The following R3HDM2 variants were observed in gnomAD, a reference collection of about 807,000 sequenced individuals.
R3HDM2 encodes the protein R3H domain containing 2.
In R3HDM2, 38 loss-of-function variants were observed where a neutral mutation model predicts 124.5. That is an observed-to-expected ratio of 0.31 (90% CI 0.24 to 0.40). R3HDM2 has a LOEUF of 0.40. Among genes scored for constraint, R3HDM2 ranks in the 10% least tolerant of loss-of-function variants. The probability of loss-of-function intolerance (pLI) is 1.00; values close to 1 mark genes in which losing one functional copy is unlikely to be tolerated. For synonymous variants in R3HDM2, 391 were observed against 448.0 expected (o/e 0.87, Z 1.61); for missense variants, 869 against 1,236.9 (o/e 0.70, Z 4.46).
intron 19 of R3HDM2, 22 bp from the exon 20 acceptor site, chr12:57,259,081 G>GT: frequency 1.9e-6 from 3 of 1,602,086 alleles, no homozygotes; most frequent in Non-Finnish European, 2.6e-6. Context: ...GAAGAAAGCA[G>GT]TTGGTTACAA....
At chr12:57,301,870 A>G (rs545485229) in intron 4 of R3HDM2, among the ~76,000 whole-genome samples, 27 of 152,362 alleles carry the variant, frequency 1.8e-4, no homozygotes, top group Admixed American at 1.7e-3. Context: ...TTAAAAACCT[A>G]TCACACACTA....
At chr12:57,298,048 A>G (rs2050270507) in intron 7 of R3HDM2, 42 bp downstream of exon 7, 4 of 1,428,462 alleles carry the variant, frequency 2.8e-6, no homozygotes, top group Admixed American at 4.0e-5. Context: ...GAATCTTGCT[A>G]TCCCCTAACC....
intron 2 of R3HDM2, among the ~76,000 whole-genome samples, chr12:57,319,905 G>A (rs892066314): frequency 6.6e-6 from 1 of 151,928 alleles, no homozygotes; most frequent in East Asian, 1.9e-4. Flanking sequence ...GTTACTCTTG[G>A]GGCATAAAGA....
intron 19 of R3HDM2, among the ~76,000 whole-genome samples, chr12:57,262,083 C>A (rs1434134045): frequency 6.6e-6 from 1 of 151,964 alleles, no homozygotes; most frequent in Non-Finnish European, 1.5e-5. Flanking sequence ...AGGCTTCTTA[C>A]CACCAGAAAT....
chr12:57,360,299 A>G (rs2061776165), intron 2 of R3HDM2, among the ~76,000 whole-genome samples: 1 of 151,862 alleles, frequency 6.6e-6, no homozygotes, highest in African/African-American at 2.4e-5. Flanking sequence ...AAGTGCTGGG[A>G]TTACAGGCAT....
intron 1 of R3HDM2, among the ~76,000 whole-genome samples, chr12:57,409,405 G>A (rs1341326511): frequency 5.9e-5 from 9 of 151,404 alleles, no homozygotes; most frequent in Admixed American, 4.6e-4. Flanking sequence ...TTTATACTCT[G>A]TCACAGAAAG....
intron 2 of R3HDM2, among the ~76,000 whole-genome samples, chr12:57,374,822 T>C (rs1224752790): frequency 1.4e-5 from 2 of 146,184 alleles, no homozygotes; most frequent in Non-Finnish European, 3.0e-5. Flanking sequence ...TGAAACCCCG[T>C]CTCTACTAAA....
At chr12:57,295,627 A>G (rs1265276497) in intron 9 of R3HDM2, 120 bp from the exon 10 acceptor site, 1 of 675,926 alleles carries the variant, frequency 1.5e-6, no homozygotes, top group Non-Finnish European at 2.5e-6. Context: ...TTTCTGGAGT[A>G]AGGAATCCAA....
intron 1 of R3HDM2, among the ~76,000 whole-genome samples, chr12:57,418,728 T>G (rs1050548310): frequency 3.3e-5 from 5 of 151,988 alleles, no homozygotes; most frequent in Admixed American, 1.3e-4. Flanking sequence ...CCAGCTAATT[T>G]TTTGTGTGTA....
At chr12:57,276,795 G>A (rs1403514657) in intron 14 of R3HDM2, among the ~76,000 whole-genome samples, 2 of 152,030 alleles carry the variant, frequency 1.3e-5, no homozygotes, top group Non-Finnish European at 2.9e-5. Context: ...GCTGAGGCAG[G>A]AGAACCGCTT....
intron 2 of R3HDM2, among the ~76,000 whole-genome samples, chr12:57,337,474 G>A (rs1157440005): frequency 6.6e-6 from 1 of 152,046 alleles, no homozygotes; most frequent in African/African-American, 2.4e-5. Context: ...AATTCTTAAG[G>A]CAACAACTCA....
intron 2 of R3HDM2, among the ~76,000 whole-genome samples, chr12:57,318,546 C>T (rs1344325352): frequency 1.3e-5 from 2 of 151,358 alleles, no homozygotes; most frequent in East Asian, 1.9e-4. Flanking sequence ...TTCTCAGGAG[C>T]CTGAGGCAGA....
chr12:57,331,958 C>T (rs1216874159), intron 2 of R3HDM2, among the ~76,000 whole-genome samples: 1 of 150,846 alleles, frequency 6.6e-6, no homozygotes, highest in Admixed American at 6.6e-5. Flanking sequence ...GGCATGGTGG[C>T]ATGTACCTGT....
chr12:57,313,322 G>C (rs1357299553), intron 2 of R3HDM2, among the ~76,000 whole-genome samples: 5 of 152,158 alleles, frequency 3.3e-5, no homozygotes, highest in African/African-American at 1.2e-4. Context: ...CACTTTGGGA[G>C]GCTGAGCCAG....
intron 14 of R3HDM2, among the ~76,000 whole-genome samples, chr12:57,276,851 C>T (rs1327789071): frequency 6.6e-6 from 1 of 151,546 alleles, no homozygotes; most frequent in Non-Finnish European, 1.5e-5. Context: ...TGCATCACTG[C>T]ACTCCAACCT....
intron 9 of R3HDM2, 34 bp from the exon 10 acceptor site, chr12:57,295,541 G>A (rs1424613754): frequency 2.0e-6 from 3 of 1,468,142 alleles, no homozygotes; most frequent in Non-Finnish European, 2.8e-6. Flanking sequence ...AAGGAAAGGA[G>A]GACAAAGACC....
At chr12:57,348,253 G>A (rs1052796237) in intron 2 of R3HDM2, among the ~76,000 whole-genome samples, 9 of 151,800 alleles carry the variant, frequency 5.9e-5, no homozygotes, top group Admixed American at 4.6e-4. Context: ...GCGAGACCTC[G>A]TCTCCCTTGT....
At chr12:57,270,109 G>T in intron 14 of R3HDM2, 115 bp from the exon 15 acceptor site, 1 of 1,263,532 alleles carries the variant, frequency 7.9e-7, no homozygotes. Flanking sequence ...AAAACAATGG[G>T]GGATAGTCCT....
At chr12:57,360,771 T>C (rs999179026) in intron 2 of R3HDM2, among the ~76,000 whole-genome samples, 2 of 152,110 alleles carry the variant, frequency 1.3e-5, no homozygotes, top group African/African-American at 2.4e-5. Context: ...AAGAAAGGCA[T>C]AGCGCTGGGC....
Sources: gnomAD v4.1 joint callset for allele counts (sites outside exome capture counted in the v4.1 genomes callset) on GRCh38, gnomAD v4.1.1 for gene constraint, MANE v1.5 for transcripts, NCBI Gene and HGNC (gene_info 2026-07-23, HGNC 2026-07-21) for gene names.